The following LPA variants were observed in gnomAD, a reference collection of about 807,000 sequenced individuals.
LPA encodes the protein lipoprotein(a).
In LPA, 199 loss-of-function variants were observed where a neutral mutation model predicts 197.9. The ratio of observed to expected loss-of-function variants is 1.01; its 90% CI spans 0.90 to 1.13. LPA has a LOEUF of 1.13. LPA is among the 50% of genes most tolerant of loss of function. The probability of loss-of-function intolerance (pLI) is 0.00; values close to 1 mark genes in which losing one functional copy is unlikely to be tolerated. For missense variants in LPA, 1,853 were observed against 1,785.8 expected (o/e 1.04, Z -0.68); for synonymous variants, 715 against 639.5 (o/e 1.12, Z -1.78).
intron 28 of LPA, among the ~76,000 whole-genome samples, chr6:160,576,367 C>CATATATAT (rs1158223888): frequency 7.7e-5 from 6 of 78,008 alleles, no homozygotes; most frequent in Non-Finnish European, 1.3e-4. Context: ...TATATATATA[C>CATATATAT]ATATATATAT....
intron 1 of LPA, among the ~76,000 whole-genome samples, chr6:160,659,392 A>T (rs1009167571): frequency 3.3e-5 from 5 of 152,132 alleles, no homozygotes; most frequent in Non-Finnish European, 7.4e-5. Flanking sequence ...ACTTTCAGTC[A>T]CCTCTGGGAG....
At chr6:160,591,986 C>A (rs534001490) in intron 22 of LPA, among the ~76,000 whole-genome samples, 4 of 152,272 alleles carry the variant, frequency 2.6e-5, no homozygotes, top group African/African-American at 9.6e-5. Context: ...TGATGTACCC[C>A]AGTAAATCAG....
At chr6:160,634,932 C>T (rs1355874497) in intron 7 of LPA, among the ~76,000 whole-genome samples, 191 bp downstream of exon 7, 1 of 150,186 alleles carries the variant, frequency 6.7e-6, no homozygotes, top group African/African-American at 2.5e-5. Flanking sequence ...AAGACAAAGC[C>T]CACCCAAGTT....
chr6:160,661,828 G>T (rs1432266815), intron 1 of LPA, among the ~76,000 whole-genome samples: 1 of 152,184 alleles, frequency 6.6e-6, no homozygotes, highest in African/African-American at 2.4e-5. Context: ...AAATTCTATA[G>T]CTCACAGTGT....
intron 16 of LPA, among the ~76,000 whole-genome samples, chr6:160,607,999 C>T (rs977766409): frequency 6.6e-6 from 1 of 152,128 alleles, no homozygotes; most frequent in African/African-American, 2.4e-5. Flanking sequence ...TCTAATTATT[C>T]CCTACATGAT....
chr6:160,602,929 G>A (rs144891453), intron 18 of LPA, among the ~76,000 whole-genome samples: 3 of 148,784 alleles, frequency 2.0e-5, no homozygotes, highest in East Asian at 2.0e-4. Flanking sequence ...CTCATGAGAT[G>A]TTTCTTGTTA....
At chr6:160,658,352 G>T (rs752143203) in intron 1 of LPA, among the ~76,000 whole-genome samples, 3 of 152,146 alleles carry the variant, frequency 2.0e-5, no homozygotes, top group Admixed American at 6.5e-5. Flanking sequence ...CTACTCGCAT[G>T]ATAACAGCTT....
At chr6:160,600,791 CACATGGCAG>C in intron 19 of LPA, 117 bp downstream of exon 19, 2 of 1,108,374 alleles carry the variant, frequency 1.8e-6, no homozygotes, top group Non-Finnish European at 2.7e-6. Flanking sequence ...GGCTTCCTCC[CACATGGCAG>C]ACCCAGAACC....
At chr6:160,563,058 T>G (rs775405863) in intron 28 of LPA, among the ~76,000 whole-genome samples, 1 of 152,064 alleles carries the variant, frequency 6.6e-6, no homozygotes, top group Non-Finnish European at 1.5e-5. Context: ...TTTCGTGTCT[T>G]TATCCCCTTC....
chr6:160,554,133 AT>A (rs1214672227), intron 30 of LPA, among the ~76,000 whole-genome samples: 1 of 151,570 alleles, frequency 6.6e-6, no homozygotes, highest in African/African-American at 2.4e-5. Context: ...TGTTTTACGC[AT>A]TTGCTTTTTT....
chr6:160,565,405 C>A (rs1033471522), intron 28 of LPA, among the ~76,000 whole-genome samples: 1 of 152,176 alleles, frequency 6.6e-6, no homozygotes, highest in Non-Finnish European at 1.5e-5. Flanking sequence ...AATACCCAGG[C>A]AAACAGGGAC....
At chr6:160,582,340 G>T (rs117319735) in intron 26 of LPA, among the ~76,000 whole-genome samples, 1 of 151,690 alleles carries the variant, frequency 6.6e-6, no homozygotes, top group Non-Finnish European at 1.5e-5. Flanking sequence ...CTCTGAAGGC[G>T]TTATTCTGTT....
At chr6:160,608,819 T>TTTTGTGTG (rs1554239064) in intron 16 of LPA, among the ~76,000 whole-genome samples, 85 of 149,462 alleles carry the variant, frequency 5.7e-4, no homozygotes, top group African/African-American at 1.8e-3. Flanking sequence ...TTCTTGAGGG[T>TTTTGTGTG]TGTGTGTGTG....
chr6:160,649,522 G>T (rs1233608125), intron 2 of LPA, among the ~76,000 whole-genome samples: 1 of 152,162 alleles, frequency 6.6e-6, no homozygotes, highest in Non-Finnish European at 1.5e-5. Flanking sequence ...TGTTCAGCAA[G>T]ATGGCTACAG....
chr6:160,594,715 C>A (rs1779096483), intron 21 of LPA, among the ~76,000 whole-genome samples: 1 of 152,170 alleles, frequency 6.6e-6, no homozygotes, highest in African/African-American at 2.4e-5. Context: ...TAGATATCCA[C>A]TACTCTTCTT....
At chr6:160,653,982 A>T (rs1482176563) in intron 1 of LPA, among the ~76,000 whole-genome samples, 12 of 11,610 alleles carry the variant, frequency 1.0e-3, no homozygotes, top group South Asian at 2.5e-3. Context: ...ATAATATATA[A>T]TATATAATAT....
intron 25 of LPA, among the ~76,000 whole-genome samples, chr6:160,586,199 A>G (rs934193700): frequency 6.6e-6 from 1 of 152,156 alleles, no homozygotes; most frequent in African/African-American, 2.4e-5. Flanking sequence ...TTCGTTTGAT[A>G]ACAGGGAAGT....
intron 22 of LPA, among the ~76,000 whole-genome samples, chr6:160,593,529 G>T (rs1033638479): frequency 4.6e-5 from 7 of 152,302 alleles, no homozygotes; most frequent in African/African-American, 1.4e-4. Context: ...AAAGTGATTG[G>T]AAGATCTGGA....
chr6:160,584,883 T>C (rs1427985702), intron 26 of LPA, among the ~76,000 whole-genome samples, 163 bp downstream of exon 26: 1 of 152,130 alleles, frequency 6.6e-6, no homozygotes, highest in South Asian at 2.1e-4. Flanking sequence ...AAAACTTCTC[T>C]TCATTCAGAC....
Sources: gnomAD v4.1 joint callset for allele counts (sites outside exome capture counted in the v4.1 genomes callset) on GRCh38, gnomAD v4.1.1 for gene constraint, MANE v1.5 for transcripts, NCBI Gene and HGNC (gene_info 2026-07-23, HGNC 2026-07-21) for gene names.